CUL2: variants seen among roughly 807,000 people sequenced by gnomAD.
CUL2 encodes cullin 2.
A neutral mutation model predicts 110.2 loss-of-function variants in CUL2; 22 were observed. The observed-to-expected ratio is 0.20, with a 90% CI of 0.14 to 0.28. The LOEUF is 0.28. CUL2 is among the 10% of genes least tolerant of loss of function. CUL2 has a pLI of 1.00. For synonymous variants in CUL2, 279 were observed against 293.2 expected, an observed-to-expected ratio of 0.95 and a Z score of 0.49; for missense variants, 631 against 905.5, an observed-to-expected ratio of 0.70 and a Z score of 3.89.
At chr10:35,103,128 C>G (rs567427189) in intron 1 of CUL2, among the ~76,000 whole-genome samples, 1 of 151,958 alleles carries the variant, frequency 6.6e-6, no homozygotes, top group Admixed American at 6.6e-5. Flanking sequence ...CATCCCAAAT[C>G]TACTTGACTC....
At chr10:35,032,542 G>A in intron 11 of CUL2, 48 bp from the exon 12 acceptor site, 1 of 1,435,166 alleles carries the variant, frequency 7.0e-7, no homozygotes, top group Non-Finnish European at 9.5e-7. Flanking sequence ...TAGGGAAAAA[G>A]TACAGCTAGT....
At chr10:35,105,290 G>A (rs1218429495) in intron 1 of CUL2, among the ~76,000 whole-genome samples, 5 of 151,890 alleles carry the variant, frequency 3.3e-5, no homozygotes, top group African/African-American at 9.7e-5. Context: ...GCCGGGCGTG[G>A]TGGCCGGCGC....
intron 1 of CUL2, among the ~76,000 whole-genome samples, chr10:35,106,206 A>C (rs2087452940): frequency 6.6e-6 from 1 of 152,190 alleles, no homozygotes; most frequent in Admixed American, 6.5e-5. Context: ...ATGTGAGGAC[A>C]TAGCAAGAGG....
chr10:35,058,863 A>G (rs1379074721), intron 4 of CUL2, among the ~76,000 whole-genome samples: 1 of 152,204 alleles, frequency 6.6e-6, no homozygotes, highest in Non-Finnish European at 1.5e-5. Flanking sequence ...AAGCTAGCTC[A>G]ATAAACCTTG....
At chr10:35,052,532 G>A (rs1297506981) in intron 5 of CUL2, among the ~76,000 whole-genome samples, 2 of 152,164 alleles carry the variant, frequency 1.3e-5, no homozygotes, top group African/African-American at 2.4e-5. Flanking sequence ...TAACACAGAC[G>A]GGTTCAAAAA....
chr10:35,099,891 C>T (rs1393498099), intron 2 of CUL2, among the ~76,000 whole-genome samples: 2 of 151,920 alleles, frequency 1.3e-5, no homozygotes, highest in African/African-American at 2.4e-5. Flanking sequence ...CTTTTATTAA[C>T]CTTATGGTTT....
At chr10:35,091,674 G>A (rs2087206873), upstream of CUL2, among the ~76,000 whole-genome samples, 1 of 151,856 alleles carries the variant, frequency 6.6e-6, no homozygotes, top group Non-Finnish European at 1.5e-5. Context: ...CTGGAATGCA[G>A]TGGCGGCACA....
At chr10:35,108,900 A>C (rs533073260) in intron 1 of CUL2, among the ~76,000 whole-genome samples, 3 of 152,302 alleles carry the variant, frequency 2.0e-5, no homozygotes, top group East Asian at 3.9e-4. Flanking sequence ...ATGTTTGCTG[A>C]ATTAATGTTT....
intron 1 of CUL2, chr10:35,074,422 C>G: frequency 1.7e-6 from 1 of 606,044 alleles, no homozygotes; most frequent in Non-Finnish European, 2.9e-6. Context: ...TTTTCTCTAC[C>G]TAAAGTGCTT....
At chr10:35,123,910 T>C (rs556871554) in intron 1 of CUL2, among the ~76,000 whole-genome samples, 10 of 152,358 alleles carry the variant, frequency 6.6e-5, no homozygotes, top group Admixed American at 2.6e-4. Flanking sequence ...AAGAAAATAC[T>C]GTTTGAGGAC....
rs1036840565 is a variant in CUL2 at position 35,060,952 on chromosome 10, T to G, written c.239A>C (p.Glu80Ala). ...ATGATACATAACAAGTACTTGTTCT[T>G]CTGACTCCAAAACTCTCTATATAAA... ...RHLHKRVLESEEQVLVMYHRY... is the reference protein window; with the variant it reads ...RHLHKRVLESAEQVLVMYHRY... Residue 80 changes from glutamate (E) to alanine (A), a missense_variant, in exon 4 of 21, where the codon GAA (glutamate) becomes GCA (alanine). Transcript: ENST00000374749. 6.2e-7 allele frequency: 1 copy of G among 1,613,370 alleles called. No homozygotes were observed. The highest frequency in any genetic ancestry group is 8.5e-7 in the Non-Finnish European group (1 of 1,179,844).
chr10:35,041,070 T>C (rs2085774629), intron 8 of CUL2, among the ~76,000 whole-genome samples: 1 of 152,134 alleles, frequency 6.6e-6, no homozygotes, highest in Admixed American at 6.5e-5. Flanking sequence ...GGACCCCTGG[T>C]CTAGAGGACA....
At chr10:35,092,895 A>G (rs995643629), upstream of CUL2, among the ~76,000 whole-genome samples, 2 of 151,976 alleles carry the variant, frequency 1.3e-5, no homozygotes, top group African/African-American at 4.8e-5. Context: ...GCATATTTCT[A>G]TTAATATACT....
At chr10:35,025,912 A>G (rs1240582297) in intron 16 of CUL2, among the ~76,000 whole-genome samples, 1 of 152,216 alleles carries the variant, frequency 6.6e-6, no homozygotes, top group East Asian at 1.9e-4. Flanking sequence ...AATTCTGAAT[A>G]AACTTTTAGC....
intron 20 of CUL2, among the ~76,000 whole-genome samples, chr10:35,011,596 C>T (rs1404467361): frequency 3.3e-5 from 5 of 151,966 alleles, no homozygotes; most frequent in Admixed American, 6.6e-5. Context: ...CCAGCCTGGG[C>T]GACAGAGCAA....
At chr10:35,016,110 G>A in intron 18 of CUL2, 82 bp downstream of exon 18, 1 of 1,133,308 alleles carries the variant, frequency 8.8e-7, no homozygotes, top group Non-Finnish European at 1.3e-6. Flanking sequence ...AACAATTACA[G>A]CCTTATTTTA....
intron 1 of CUL2, among the ~76,000 whole-genome samples, chr10:35,085,305 C>T (rs2087034331): frequency 6.6e-6 from 1 of 151,692 alleles, no homozygotes; most frequent in East Asian, 1.9e-4. Context: ...TGGCGGCTGC[C>T]TGTAGTCCCA....
chr10:35,021,767 C>A (rs774153744), intron 17 of CUL2, among the ~76,000 whole-genome samples: 1 of 148,892 alleles, frequency 6.7e-6, no homozygotes, highest in Non-Finnish European at 1.5e-5. Context: ...GGGCTGTGAT[C>A]GCGCACCTCC....
At chr10:35,020,980 T>TC (rs2085166025) in intron 17 of CUL2, among the ~76,000 whole-genome samples, 2 of 147,446 alleles carry the variant, frequency 1.4e-5, no homozygotes, top group Admixed American at 6.9e-5. Context: ...TTTTTTTTTT[T>TC]CAAGACAGGG....
Sources: gnomAD v4.1 joint callset for allele counts (sites outside exome capture counted in the v4.1 genomes callset) on GRCh38, gnomAD v4.1.1 for gene constraint, MANE v1.5 for transcripts, NCBI Gene and HGNC (gene_info 2026-07-23, HGNC 2026-07-21) for gene names.